The following CNTN1 variants were observed in gnomAD, a reference collection of about 807,000 sequenced individuals.
CNTN1 encodes the protein contactin 1.
Under a neutral mutation model 126.4 loss-of-function variants are expected in CNTN1, and 38 were observed. The ratio of observed to expected loss-of-function variants is 0.30; its 90% confidence interval spans 0.23 to 0.39. The LOEUF (loss-of-function observed/expected upper bound fraction) is 0.39. Among genes scored for constraint, CNTN1 ranks in the 10% least tolerant of loss-of-function variants. The pLI is 1.00. For missense variants in CNTN1, 1,009 were observed against 1,248.4 expected (o/e 0.81, Z 2.89); for synonymous variants, 413 against 422.6 (o/e 0.98, Z 0.28).
intron 1 of CNTN1, among the ~76,000 whole-genome samples, chr12:40,806,400 G>A (rs1045214917): frequency 6.6e-6 from 1 of 152,094 alleles, no homozygotes; most frequent in African/African-American, 2.4e-5. Context: ...TCCCCCAGCT[G>A]TAATGTGTCT....
intron 1 of CNTN1, among the ~76,000 whole-genome samples, chr12:40,826,911 T>G (rs1464209383): frequency 1.3e-5 from 2 of 152,156 alleles, no homozygotes; most frequent in South Asian, 2.1e-4. Flanking sequence ...AAAGAGGCTT[T>G]GGGAAGACAT....
At chr12:40,844,068 G>A (rs1054223114) in intron 1 of CNTN1, among the ~76,000 whole-genome samples, 48 of 40,238 alleles carry the variant, frequency 1.2e-3, no homozygotes, top group African/African-American at 3.2e-3. Context: ...TTGGCACAAT[G>A]ATTTTTTTTT....
At chr12:41,018,204 T>A (rs1948826173) in intron 19 of CNTN1, among the ~76,000 whole-genome samples, 1 of 152,162 alleles carries the variant, frequency 6.6e-6, no homozygotes, top group Non-Finnish European at 1.5e-5. Flanking sequence ...TCTTTGGCAA[T>A]GTACATTTAC....
chr12:40,878,958 T>G (rs1290295178), intron 1 of CNTN1, among the ~76,000 whole-genome samples: 1 of 152,170 alleles, frequency 6.6e-6, no homozygotes, highest in African/African-American at 2.4e-5. Context: ...TTCAATTAGT[T>G]GTTTTGAATT....
rs1279808334 is a variant in CNTN1, at chr12:41,071,296, T to C, written c.*1261T>C. 6.6e-6 allele frequency: 1 copy of C among 152,144 alleles called. No individual in the cohort carries two copies. Among genetic ancestry groups the C allele is most frequent in the East Asian group, 1.9e-4 (1 of 5,188 alleles). 9.4% of individuals were successfully genotyped at this position (152,144 alleles called of 1,614,324 possible). A position where few individuals can be genotyped will look rare whatever the true frequency, so the allele number is the denominator to read the frequency against. On this transcript the variant is annotated 3_prime_UTR_variant, in exon 24 of 24. Transcript: ENST00000551295. ...TTTTTATAAGTTGTGAAAAGGAAGA[T>C]GCACATTTCTTCATTCTCCATGGTG...
In CNTN1 at chr12:40,876,248, C is replaced by A. The variant is rs1943663741; in HGVS notation, c.-76-32109C>A. 2.0e-5 allele frequency among the ~76,000 whole-genome samples: 3 copies of A among 151,774 alleles called. 1 individual carries two copies. Among genetic ancestry groups the A allele is most frequent in the Admixed American group, 2.0e-4 (3 of 15,238 alleles). The stretch of plus-strand genomic sequence containing the variant: ...CATCTCACTAGCTTTGTTTACCAGA[C>A]ACGGCATGTGAGAAAGAAAACACTT... On this transcript the variant is annotated intron_variant, in intron 1 of 23. Coordinates refer to ENST00000551295, the MANE Select transcript of CNTN1 (RefSeq NM_001843.4).
chr12:40,744,849 A>G (rs1224745128), intron 1 of CNTN1, among the ~76,000 whole-genome samples: 1 of 152,102 alleles, frequency 6.6e-6, no homozygotes, highest in Non-Finnish European at 1.5e-5. Context: ...TTTAACACCT[A>G]TGTTACATAT....
intron 4 of CNTN1, 38 bp from the exon 5 acceptor site, chr12:40,922,218 A>T: frequency 6.3e-7 from 1 of 1,592,056 alleles, no homozygotes; most frequent in Admixed American, 1.7e-5. Context: ...TCTAGGTCTC[A>T]TGACCTGTGA....
chr12:40,830,889 T>C (rs1265250186), intron 1 of CNTN1, among the ~76,000 whole-genome samples: 7 of 130,268 alleles, frequency 5.4e-5, no homozygotes, highest in Non-Finnish European at 1.1e-4. Context: ...CTACTATAAG[T>C]GATCTGTAAC....
At chr12:40,720,003 ATTTTTTTTTTT>A (rs561694238) in intron 1 of CNTN1, among the ~76,000 whole-genome samples, 1 of 127,238 alleles carries the variant, frequency 7.9e-6, no homozygotes, top group African/African-American at 3.0e-5. Context: ...CGCCCGGTTA[ATTTTTTTTTTT>A]TTTTTTTTTT....
Position 40,702,156 on chromosome 12 carries a change from G to A in CNTN1, c.-77+9564G>A, listed in dbSNP as rs534538947. ...TTGCTCTGTTGCCCAGCCTGTTCTC[G>A]GACTCCTGGTCTCAAACGATCCTCC... On this transcript the variant is annotated intron_variant, in intron 1 of 23. Coordinates refer to ENST00000551295, the MANE Select transcript of CNTN1 (RefSeq NM_001843.4). 6.6e-5 allele frequency among the ~76,000 whole-genome samples: 10 copies of A among 150,742 alleles called. 1 individual carries two copies. The highest frequency in any genetic ancestry group is 6.9e-3 in the Middle Eastern group (2 of 290).
intron 17 of CNTN1, among the ~76,000 whole-genome samples, chr12:41,005,804 T>C (rs879266011): frequency 6.6e-6 from 1 of 152,160 alleles, no homozygotes. Context: ...TGTCTATTTT[T>C]TCTGTCAGTT....
chr12:41,049,888 A>T (rs1949632679), intron 23 of CNTN1, among the ~76,000 whole-genome samples: 1 of 152,132 alleles, frequency 6.6e-6, no homozygotes, highest in Non-Finnish European at 1.5e-5. Flanking sequence ...GATTTAACTA[A>T]TTAAGATGTC....
intron 1 of CNTN1, among the ~76,000 whole-genome samples, chr12:40,789,401 C>A (rs1940146512): frequency 6.1e-4 from 1 of 1,640 alleles, no homozygotes; most frequent in African/African-American, 1.0e-3. Flanking sequence ...ATGAAAACAA[C>A]CTAAAGAAAT....
chr12:40,785,353 G>A (rs917798834), intron 1 of CNTN1, among the ~76,000 whole-genome samples: 1 of 152,070 alleles, frequency 6.6e-6, no homozygotes, highest in African/African-American at 2.4e-5. Flanking sequence ...AGACGAAGTG[G>A]GAGCAGGCAC....
intron 1 of CNTN1, among the ~76,000 whole-genome samples, chr12:40,759,862 G>C (rs1938785026): frequency 6.7e-6 from 1 of 150,256 alleles, no homozygotes; most frequent in Admixed American, 6.7e-5. Flanking sequence ...AACAGGAACT[G>C]ATTTGACTTT....
chr12:40,843,382 CT>C (rs1244447291), intron 1 of CNTN1, among the ~76,000 whole-genome samples: 1 of 151,986 alleles, frequency 6.6e-6, no homozygotes, highest in Non-Finnish European at 1.5e-5. Context: ...GAAATTGTGG[CT>C]TATGCTGAAG....
chr12:40,982,645 TG>T (rs1316343607), intron 16 of CNTN1, among the ~76,000 whole-genome samples: 1 of 152,084 alleles, frequency 6.6e-6, no homozygotes, highest in Non-Finnish European at 1.5e-5. Flanking sequence ...CCCCACTGTG[TG>T]CCAGAACCTA....
intron 1 of CNTN1, among the ~76,000 whole-genome samples, chr12:40,811,302 G>T (rs1290630692): frequency 6.6e-6 from 1 of 151,988 alleles, no homozygotes; most frequent in Non-Finnish European, 1.5e-5. Flanking sequence ...AACACAATAT[G>T]CCTTTTGAAA....
Sources: allele counts gnomAD v4.1 joint callset (sites outside exome capture counted in the v4.1 genomes callset), GRCh38; gene constraint gnomAD v4.1.1; transcripts MANE v1.5; gene names NCBI Gene and HGNC (gene_info 2026-07-23, HGNC 2026-07-21).